Variants in MBOAT4 observed in about 807,000 individuals in gnomAD.
MBOAT4 encodes membrane-bound ghrelin O-acyltransferase MBOAT4.
A neutral mutation model predicts 13.2 loss-of-function variants in MBOAT4; 11 were observed. That is an observed-to-expected ratio of 0.84 (90% CI 0.53 to 1.38). The LOEUF is 1.38. Ranked by LOEUF, MBOAT4 falls within the 40% of genes most tolerant of loss-of-function variation. MBOAT4 has a pLI of 0.00. For missense variants in MBOAT4, 481 were observed against 527.2 expected, an observed-to-expected ratio of 0.91 and a Z score of 0.86; for synonymous variants, 202 against 210.3, an observed-to-expected ratio of 0.96 and a Z score of 0.34.
Position 30,138,561 on chromosome 8 carries a change from C to T in MBOAT4, c.315G>A (p.Glu105=). 1 of 1,551,534 alleles carries T rather than the reference C, an allele frequency of 6.4e-7. No individual in the cohort carries two copies. Among genetic ancestry groups the T allele is most frequent in the Non-Finnish European group, 8.7e-7 (1 of 1,146,946 alleles). Residue 105 remains glutamate, a synonymous_variant, in exon 2 of 3, where the codon GAG becomes GAA. Coordinates refer to ENST00000320542, the MANE Select transcript of MBOAT4 (RefSeq NM_001100916.2). The part of the protein sequence containing the change: ...TLCHLGLHYT[E]YYLHEPPSVR... ...CAGAAGGAGGCTCATGCAGATAATA[C>T]TCAGTGTAGTGCAGACCTAGGTGAC...
intron 1 of MBOAT4, among the ~76,000 whole-genome samples, chr8:30,141,014 TA>T (rs1803252812): frequency 2.0e-5 from 3 of 152,044 alleles, no homozygotes. Flanking sequence ...ATTTTTTTAA[TA>T]TTTTTTGTAG....
chr8:30,135,392 G>A (rs1023400318), intron 2 of MBOAT4, among the ~76,000 whole-genome samples: 2 of 152,118 alleles, frequency 1.3e-5, no homozygotes, highest in African/African-American at 4.8e-5. Context: ...TGCCGTAGAG[G>A]AAATAAAAAC....
chr8:30,137,279 G>T (rs374232147), intron 2 of MBOAT4: 1 of 1,551,308 alleles, frequency 6.4e-7, no homozygotes. Context: ...TAGATGGGGC[G>T]CCTACCCTTC....
intron 2 of MBOAT4, among the ~76,000 whole-genome samples, chr8:30,136,331 A>G (rs924763718): frequency 2.6e-5 from 4 of 152,224 alleles, no homozygotes; most frequent in African/African-American, 9.6e-5. Context: ...AGGAGTGACC[A>G]TCACGCGGAC....
chr8:30,133,007 T>C, intron 2 of MBOAT4, 101 bp from the exon 3 acceptor site: 14 of 1,178,982 alleles, frequency 1.2e-5, no homozygotes, highest in Non-Finnish European at 1.6e-5. Context: ...TAGATAGGTC[T>C]GTACAGCTAA....
At chr8:30,133,447 G>A (rs1434772624) in intron 2 of MBOAT4, among the ~76,000 whole-genome samples, 1 of 152,096 alleles carries the variant, frequency 6.6e-6, no homozygotes, top group Admixed American at 6.6e-5. Flanking sequence ...TAAAGAAAAG[G>A]TTAGATGCAC....
chr8:30,142,524 T>G (rs1271692337), intron 1 of MBOAT4, among the ~76,000 whole-genome samples: 1 of 152,098 alleles, frequency 6.6e-6, no homozygotes, highest in South Asian at 2.1e-4. Flanking sequence ...CTTGGCTAAT[T>G]TTTTGTACTT....
intron 2 of MBOAT4, among the ~76,000 whole-genome samples, chr8:30,134,614 C>T (rs1303358849): frequency 1.4e-5 from 2 of 146,484 alleles, no homozygotes; most frequent in Admixed American, 6.8e-5. Context: ...CGATCTCAGC[C>T]GCCCACTGCA....
At chr8:30,133,802 A>AG (rs959409737) in intron 2 of MBOAT4, among the ~76,000 whole-genome samples, 19 of 151,700 alleles carry the variant, frequency 1.3e-4, no homozygotes, top group East Asian at 1.9e-4. Flanking sequence ...AAAAAAAAAA[A>AG]AAAGAAAGAG....
rs537574908 is a variant in MBOAT4, at chr8:30,133,042, C to T, written c.345-136G>A. On this transcript the variant is annotated intron_variant, in intron 2 of 2. Transcript: ENST00000320542. Reference sequence around the variant, plus strand: ...AGATTAATCTCATGGCCTGCAGGACCCCACACAAAATAAATCTTAAAATAA... The same window carrying T: ...AGATTAATCTCATGGCCTGCAGGACTCCACACAAAATAAATCTTAAAATAA... 1.8e-5 allele frequency: 12 copies of T among 660,478 alleles called. No homozygotes were observed. In the South Asian group the frequency reaches 2.6e-4, roughly 14 times the overall value. The allele number at this position is 660,478 out of a possible 1,614,324, so 40.9% of individuals were successfully genotyped here.
chr8:30,143,548 G>T (rs1044547238), intron 1 of MBOAT4, among the ~76,000 whole-genome samples: 1 of 151,960 alleles, frequency 6.6e-6, no homozygotes. Context: ...AATCTTATAT[G>T]AGCAATCTAA....
chr8:30,143,792 T>G (rs1803303345), intron 1 of MBOAT4, among the ~76,000 whole-genome samples: 1 of 152,226 alleles, frequency 6.6e-6, no homozygotes, highest in East Asian at 1.9e-4. Flanking sequence ...AAAATTTAAT[T>G]TGATTGAAAA....
In MBOAT4 at chr8:30,138,588, CAAG is replaced by C; in HGVS notation, c.285_287del (p.Leu96del). ...CAGTGTAGTGCAGACCTAGGTGACA[CAAG>C]GTCTGCCAGCTCATCTGAAAGCAGA... On this transcript the variant is annotated inframe_deletion, in exon 2 of 3. Coordinates refer to ENST00000320542, the MANE Select transcript of MBOAT4 (RefSeq NM_001100916.2). The C allele has an allele frequency of 6.4e-7, 1 of 1,551,642 alleles. No individual in the cohort carries two copies. Among genetic ancestry groups the C allele is most frequent in the Non-Finnish European group, 8.7e-7 (1 of 1,146,998 alleles).
intron 1 of MBOAT4, among the ~76,000 whole-genome samples, chr8:30,143,923 T>C (rs927470396): frequency 6.6e-6 from 1 of 152,206 alleles, no homozygotes; most frequent in African/African-American, 2.4e-5. Flanking sequence ...AGAGTTTATT[T>C]TCACTCATCT....
chr8:30,134,962 C>T (rs2117538307), intron 2 of MBOAT4, among the ~76,000 whole-genome samples: 1 of 152,312 alleles, frequency 6.6e-6, no homozygotes. Context: ...TCACTGCAAC[C>T]TCTGCCTCCC....
intron 2 of MBOAT4, among the ~76,000 whole-genome samples, chr8:30,135,717 C>T (rs1803125067): frequency 6.6e-6 from 1 of 151,866 alleles, no homozygotes; most frequent in African/African-American, 2.4e-5. Context: ...AGTTTGAGAC[C>T]AGCCTGGGCA....
intron 2 of MBOAT4, among the ~76,000 whole-genome samples, chr8:30,133,756 T>G (rs1585482805): frequency 7.8e-6 from 1 of 128,342 alleles, no homozygotes; most frequent in Non-Finnish European, 1.6e-5. Context: ...ACCACTGCAC[T>G]CCAGCCTACA....
chr8:30,134,251 C>T (rs1336736139), intron 2 of MBOAT4, among the ~76,000 whole-genome samples: 1 of 151,988 alleles, frequency 6.6e-6, no homozygotes, highest in African/African-American at 2.4e-5. Context: ...GGTGAAACCT[C>T]ATTTCTACTA....
rs1016208035 is a variant in MBOAT4 at position 30,138,541 on chromosome 8, G to C, written c.335C>G (p.Pro112Arg). ...HYTEYYLHEP[P>R]SVRFCITLSS... Reference sequence around the variant, plus strand: ...CGAACAGGCTGCTTACCTCACAGAAGGAGGCTCATGCAGATAATACTCAGT... The same window carrying C: ...CGAACAGGCTGCTTACCTCACAGAACGAGGCTCATGCAGATAATACTCAGT... The change falls in exon 2 of 3, where the codon CCT (proline) becomes CGT (arginine). Residue 112 changes from proline (P) to arginine (R), a missense_variant. Transcript: ENST00000320542. 6 of 1,546,832 alleles carry C rather than the reference G, an allele frequency of 3.9e-6. No homozygotes were observed. The highest frequency in any genetic ancestry group is 4.4e-6 in the Non-Finnish European group (5 of 1,143,048).
Sources: gnomAD v4.1 joint callset for allele counts (sites outside exome capture counted in the v4.1 genomes callset) on GRCh38, gnomAD v4.1.1 for gene constraint, MANE v1.5 for transcripts, NCBI Gene and HGNC (gene_info 2026-07-23, HGNC 2026-07-21) for gene names.